KREMEN1: variants seen among roughly 807,000 people sequenced by gnomAD.
The protein encoded by KREMEN1 is kremen protein 1.
KREMEN1 carries 30 observed loss-of-function variants against 46.5 expected under a neutral mutation model. That is an observed-to-expected ratio of 0.65 (90% CI 0.48 to 0.88). KREMEN1 has a LOEUF of 0.88. Among genes scored for constraint, KREMEN1 ranks in the 40% least tolerant of loss-of-function variants. The pLI is 0.00. For synonymous variants in KREMEN1, 214 were observed against 230.6 expected (o/e 0.93, Z 0.65); for missense variants, 533 against 596.9 (o/e 0.89, Z 1.11).
intron 3 of KREMEN1, among the ~76,000 whole-genome samples, chr22:29,120,647 A>C (rs2038340655): frequency 6.6e-6 from 1 of 152,146 alleles, no homozygotes; most frequent in African/African-American, 2.4e-5. Context: ...TGACGGAAAC[A>C]GAGGGTGAAA....
chr22:29,089,348 G>A (rs914426870), intron 1 of KREMEN1, among the ~76,000 whole-genome samples: 5 of 152,222 alleles, frequency 3.3e-5, no homozygotes, highest in Admixed American at 3.3e-4. Context: ...TTGGTGTGCT[G>A]TGTGACCCAT....
downstream of KREMEN1, among the ~76,000 whole-genome samples, chr22:29,150,340 T>C (rs921635671): frequency 6.6e-6 from 1 of 152,092 alleles, no homozygotes; most frequent in African/African-American, 2.4e-5. Flanking sequence ...TGCTGGGCTT[T>C]GGAATAAACC....
chr22:29,078,156 G>GA (rs1442603375), intron 1 of KREMEN1, among the ~76,000 whole-genome samples: 2 of 152,140 alleles, frequency 1.3e-5, no homozygotes, highest in Admixed American at 1.3e-4. Flanking sequence ...CTACTCAAGA[G>GA]GCTGAGGTGG....
In KREMEN1 at chr22:29,073,434, C is replaced by G. The variant is rs908234536; in HGVS notation, c.97+207C>G. On this transcript the variant is annotated intron_variant, in intron 1 of 8. Coordinates refer to ENST00000400335, the MANE Select transcript of KREMEN1 (RefSeq NM_001039570.3). This position sits in a 1 kb window ranked among gnomAD's most constrained non-coding sequence, Gnocchi z 4.4. ...GGCCCGTCATCGACGCCCCCGGGCC[C>G]GGTACTGTCCCCCGGCTGCAGGACC... Among the ~76,000 whole-genome samples the G allele has an allele frequency of 6.6e-6, 1 of 151,914 alleles. No homozygotes were observed. The highest frequency in any genetic ancestry group is 2.4e-5 in the African/African-American group (1 of 41,362).
At chr22:29,152,825 G>GAAGCAGGAAGGAACCTGCTTGAA (rs2038926627) in intron 9 of KREMEN1, among the ~76,000 whole-genome samples, 1 of 152,192 alleles carries the variant, frequency 6.6e-6, no homozygotes, top group Non-Finnish European at 1.5e-5. Context: ...ATGGGTTCCT[G>GAAGCAGGAAGGAACCTGCTTGAA]GCTTGAAGCA....
At chr22:29,080,464 T>C (rs1264998730) in intron 1 of KREMEN1, among the ~76,000 whole-genome samples, 1 of 70,264 alleles carries the variant, frequency 1.4e-5, no homozygotes, top group African/African-American at 7.3e-5. Flanking sequence ...CTTGCTGTGA[T>C]GTGTGCATGG....
chr22:29,147,302 C>T (rs1267844147), downstream of KREMEN1, among the ~76,000 whole-genome samples: 40 of 152,340 alleles, frequency 2.6e-4, no homozygotes, highest in Non-Finnish European at 7.3e-5. Context: ...TTCCTCTCCA[C>T]CCCCTTCTTG....
At chr22:29,094,474 C>A (rs890317438) in intron 2 of KREMEN1, 54 bp downstream of exon 2, 4 of 1,472,692 alleles carry the variant, frequency 2.7e-6, no homozygotes, top group Admixed American at 2.1e-5. Flanking sequence ...CTAGTCTCTT[C>A]TTCCAACCCC....
At chr22:29,121,313 C>T (rs1041456315) in intron 3 of KREMEN1, 44 bp from the exon 4 acceptor site, 3 of 1,608,378 alleles carry the variant, frequency 1.9e-6, no homozygotes, top group Non-Finnish European at 2.5e-6. Context: ...TGGTGTTTCA[C>T]AGCCAGATGT....
At chr22:29,083,483 C>T (rs563922739) in intron 1 of KREMEN1, among the ~76,000 whole-genome samples, 6 of 152,160 alleles carry the variant, frequency 3.9e-5, no homozygotes, top group South Asian at 2.1e-4. Context: ...GGTTGTGATA[C>T]GAGAAAGGGG....
rs1336142764 is a variant in KREMEN1, at chr22:29,143,169, TAAAC to T, written c.*1061_*1064del. ...CTGTCTCAAAAAAACAAAACACAAA[TAAAC>T]AAAAAAAATCCATTCATTTACTCAT... On this transcript the variant is annotated 3_prime_UTR_variant, in exon 9 of 9. Coordinates refer to ENST00000400335, the MANE Select transcript of KREMEN1 (RefSeq NM_001039570.3). The T allele has an allele frequency of 5.1e-6, 5 of 984,002 alleles. No individual in the cohort carries two copies. The South Asian group carries it at 1.4e-4, about 28-fold the overall frequency. 61.0% of individuals were successfully genotyped at this position (984,002 alleles called of 1,614,324 possible). A position where few individuals can be genotyped will look rare whatever the true frequency, so the allele number is the denominator to read the frequency against.
At chr22:29,086,632 A>G (rs1193934939) in intron 1 of KREMEN1, among the ~76,000 whole-genome samples, 1 of 152,216 alleles carries the variant, frequency 6.6e-6, no homozygotes, top group Admixed American at 6.5e-5. Context: ...TCTGAGGGCA[A>G]AGGGTAGTCT....
chr22:29,098,994 G>A (rs761521651), intron 3 of KREMEN1, 41 bp downstream of exon 3: 5 of 1,440,356 alleles, frequency 3.5e-6, no homozygotes, highest in African/African-American at 2.8e-5. Context: ...ACAGGACTGT[G>A]AACACTAAGA....
chr22:29,083,071 A>G (rs1304535234), intron 1 of KREMEN1, among the ~76,000 whole-genome samples: 1 of 152,174 alleles, frequency 6.6e-6, no homozygotes, highest in East Asian at 1.9e-4. Flanking sequence ...CGCCTGGCTA[A>G]TTTTTAAAAA....
chr22:29,121,314 A>G, intron 3 of KREMEN1, 43 bp from the exon 4 acceptor site: 1 of 1,609,526 alleles, frequency 6.2e-7, no homozygotes, highest in Non-Finnish European at 8.5e-7. Flanking sequence ...GGTGTTTCAC[A>G]GCCAGATGTT....
intron 5 of KREMEN1, among the ~76,000 whole-genome samples, chr22:29,131,545 T>TC (rs1181066901): frequency 2.3e-5 from 1 of 42,716 alleles, no homozygotes; most frequent in African/African-American, 9.0e-5. Flanking sequence ...TATATATATA[T>TC]ATATATATAT....
chr22:29,125,450 C>T, intron 5 of KREMEN1, 34 bp downstream of exon 5: 2 of 1,608,382 alleles, frequency 1.2e-6, no homozygotes, highest in Non-Finnish European at 1.7e-6. Context: ...CTGCCCAAGG[C>T]ACAGGAACCC....
At chr22:29,094,935 CT>C (rs768448990) in intron 2 of KREMEN1, among the ~76,000 whole-genome samples, 26 of 152,278 alleles carry the variant, frequency 1.7e-4, no homozygotes, top group Admixed American at 3.3e-4. Context: ...ATTTACCACT[CT>C]TTTCAACATG....
At chr22:29,161,234 G>A (rs542347817) in intron 9 of KREMEN1, among the ~76,000 whole-genome samples, 5 of 152,264 alleles carry the variant, frequency 3.3e-5, no homozygotes, top group East Asian at 1.9e-4. Context: ...CTGGCCAGGC[G>A]TGGTGGCTCA....
Sources: gnomAD v4.1 joint callset for allele counts (sites outside exome capture counted in the v4.1 genomes callset) on GRCh38, gnomAD v4.1.1 for gene constraint, Gnocchi (gnomAD v3.1) non-coding constraint, MANE v1.5 for transcripts, NCBI Gene and HGNC (gene_info 2026-07-23, HGNC 2026-07-21) for gene names.